KRT80: variants seen among roughly 807,000 people sequenced by gnomAD.
The protein encoded by KRT80 is keratin 80, also known as keratin, type II cytoskeletal 80.
KRT80 carries 36 observed loss-of-function variants against 51.5 expected under a neutral mutation model. The ratio of observed to expected loss-of-function variants is 0.70; its 90% CI spans 0.54 to 0.92. The LOEUF (loss-of-function observed/expected upper bound fraction) is 0.92, where lower values mean the gene tolerates loss of function less well. Among genes scored for constraint, KRT80 ranks in the 40% least tolerant of loss-of-function variants. The probability of loss-of-function intolerance (pLI) is 0.00; values close to 1 mark genes in which losing one functional copy is unlikely to be tolerated. For synonymous variants in KRT80, 235 were observed against 248.3 expected, an observed-to-expected ratio of 0.95 and a Z score of 0.50; for missense variants, 566 against 591.7, an observed-to-expected ratio of 0.96 and a Z score of 0.45.
At chr12:52,183,829 C>T (rs2120925473) in intron 2 of KRT80, among the ~76,000 whole-genome samples, 1 of 152,336 alleles carries the variant, frequency 6.6e-6, no homozygotes, top group African/African-American at 2.4e-5. Context: ...ACAAGCCCTG[C>T]CCTTTCAGGG....
In KRT80 at chr12:52,186,591, G is replaced by T. The variant is rs191832789; in HGVS notation, c.301-1004C>A. On this transcript the variant is annotated intron_variant, in intron 1 of 8. Transcript: ENST00000394815. ...CAAAATTAGCAAGTGGCAGAGCCAGGCCTGGAATCCAGGAACTTTGGGTTT... is the reference window on the plus strand; with the variant it reads ...CAAAATTAGCAAGTGGCAGAGCCAGTCCTGGAATCCAGGAACTTTGGGTTT... 2.3e-3 allele frequency among the ~76,000 whole-genome samples: 350 copies of T among 152,320 alleles called. 1 individual carries two copies. The highest frequency in any genetic ancestry group is 4.3e-3 in the Non-Finnish European group (290 of 68,028).
chr12:52,175,515 C>G (rs1047439950), intron 4 of KRT80, among the ~76,000 whole-genome samples: 2 of 152,048 alleles, frequency 1.3e-5, no homozygotes, highest in Non-Finnish European at 1.5e-5. Context: ...CAGGCGGAGG[C>G]TGGACTTCTG....
chr12:52,173,450 G>GT, intron 5 of KRT80, 150 bp downstream of exon 5: 2 of 438,118 alleles, frequency 4.6e-6, no homozygotes, highest in Non-Finnish European at 8.6e-6. Flanking sequence ...GTCTCCCCCC[G>GT]CCCGCCCCGT....
At chr12:52,171,581 A>G in intron 8 of KRT80, 59 bp from the exon 9 acceptor site, 3 of 1,612,784 alleles carry the variant, frequency 1.9e-6, no homozygotes, top group Non-Finnish European at 2.5e-6. Flanking sequence ...AGCCACTTAA[A>G]ATGATGCCTT....
intron 1 of KRT80, 147 bp from the exon 2 acceptor site, chr12:52,185,734 A>G: frequency 6.7e-7 from 1 of 1,483,096 alleles, no homozygotes. Context: ...CTCAGCAGAA[A>G]GCACCTCCAA....
chr12:52,172,325 C>T lies in KRT80; in HGVS notation c.1051G>A (p.Ala351Thr), dbSNP rs767029448. ...AKTKLAQLEA[A>T]LQQAKQDMAR... ...ATGTCCTGCTTGGCCTGCTGCAGGG[C>T]GGCCTCCAGCTGGGCCAGCTTGGTC... The change falls in exon 7 of 9, where the codon GCC (alanine) becomes ACC (threonine). Residue 351 changes from alanine (A) to threonine (T), a missense_variant. Ala to Thr is a moderately conservative substitution (Grantham distance 58, BLOSUM62 0). Transcript: ENST00000394815. The T allele has an allele frequency of 6.8e-6, 11 of 1,614,212 alleles. No homozygotes were observed. Among genetic ancestry groups the T allele is most frequent in the South Asian group, 5.5e-5 (5 of 91,080 alleles).
chr12:52,174,407 G>A (rs575330267), intron 4 of KRT80, among the ~76,000 whole-genome samples: 1 of 152,372 alleles, frequency 6.6e-6, no homozygotes, highest in African/African-American at 2.4e-5. Context: ...CCTGGGCGCA[G>A]CCTCCAGCAC....
chr12:52,180,603 C>T lies in KRT80; in HGVS notation c.576G>A (p.Leu192=), dbSNP rs1941301615. 5 of 1,508,288 alleles carry T rather than the reference C, an allele frequency of 3.3e-6. No homozygotes were observed. In the East Asian group the frequency reaches 9.3e-5, roughly 28 times the overall value. 93.4% of individuals were successfully genotyped at this position (1,508,288 alleles called of 1,614,324 possible). The change falls in exon 4 of 9, where the codon CTG becomes CTA. Residue 192 remains leucine (L), a synonymous_variant. Coordinates refer to ENST00000394815, the MANE Select transcript of KRT80 (RefSeq NM_182507.3). ...CAGTCCGATGAAGACACTCTGCATC[C>T]AGGTCCTGGGGTTGGCAGCAGTGGT... ...EFTFVQLKKD[L]DAECLHRTEL...
intron 4 of KRT80, among the ~76,000 whole-genome samples, chr12:52,174,485 C>A (rs748463168): frequency 1.3e-4 from 20 of 152,226 alleles, no homozygotes; most frequent in Non-Finnish European, 1.6e-4. Context: ...ATTGCCTGGA[C>A]GACCACAATA....
chr12:52,189,077 C>T (rs1027078139), intron 1 of KRT80, among the ~76,000 whole-genome samples: 11 of 152,152 alleles, frequency 7.2e-5, no homozygotes, highest in Admixed American at 7.2e-4. Context: ...GGGCCTCTAC[C>T]ACCTCCTGAG....
At chr12:52,187,843 G>A (rs1395727662) in intron 1 of KRT80, among the ~76,000 whole-genome samples, 1 of 152,172 alleles carries the variant, frequency 6.6e-6, no homozygotes, top group Non-Finnish European at 1.5e-5. Context: ...TACACTGAGG[G>A]TGGAGTGAGA....
At chr12:52,187,416 T>C (rs1356827383) in intron 1 of KRT80, among the ~76,000 whole-genome samples, 1 of 152,174 alleles carries the variant, frequency 6.6e-6, no homozygotes, top group Non-Finnish European at 1.5e-5. Context: ...GTGGCCCAGC[T>C]TCCCAGAGAG....
intron 4 of KRT80, among the ~76,000 whole-genome samples, chr12:52,177,215 T>C (rs1424235750): frequency 6.6e-6 from 1 of 152,184 alleles, no homozygotes; most frequent in Non-Finnish European, 1.5e-5. Flanking sequence ...TAAACAGTAG[T>C]TAAGGATTCT....
intron 1 of KRT80, among the ~76,000 whole-genome samples, chr12:52,187,267 T>C (rs1271699371): frequency 6.6e-6 from 1 of 152,250 alleles, no homozygotes; most frequent in African/African-American, 2.4e-5. Context: ...CCGGTGCTGC[T>C]GGCCCAGGCT....
intron 4 of KRT80, among the ~76,000 whole-genome samples, chr12:52,175,972 G>A (rs539825816): frequency 1.5e-4 from 23 of 152,220 alleles, no homozygotes; most frequent in East Asian, 3.9e-4. Flanking sequence ...TGGGTGTGGG[G>A]GGCCTCAGAG....
intron 4 of KRT80, among the ~76,000 whole-genome samples, chr12:52,178,155 A>G (rs897715877): frequency 1.3e-5 from 2 of 152,150 alleles, no homozygotes; most frequent in African/African-American, 4.8e-5. Context: ...GCTGCTTTCA[A>G]AAGTAATAAT....
intron 6 of KRT80, 21 bp downstream of exon 6, chr12:52,173,017 G>T: frequency 6.3e-7 from 1 of 1,592,836 alleles, no homozygotes; most frequent in Non-Finnish European, 8.6e-7. Context: ...CCGCCCCCAG[G>T]CGCGTCCCCC....
Position 52,191,772 on chromosome 12 carries a change from C to A in KRT80, c.131G>T (p.Arg44Leu), listed in dbSNP as rs376296985. Residue 44 changes from arginine to leucine, a missense_variant, in exon 1 of 9, where the codon CGC becomes CTC. Physicochemically the swap from Arg to Leu is moderately radical, Grantham distance 102 (BLOSUM62 -2). Transcript: ENST00000394815. ...CRAPGPGFSS[R>L]SLTGCWSAGT... ...AGCCGACCAGCAGCCTGTGAGGCTG[C>A]GGGAGCTGAAGCCCGGCCCGGGGGC... 1 of 1,612,358 alleles carries A rather than the reference C, an allele frequency of 6.2e-7. No homozygotes were observed. The highest frequency in any genetic ancestry group is 1.3e-5 in the African/African-American group (1 of 75,050).
intron 4 of KRT80, among the ~76,000 whole-genome samples, chr12:52,174,303 A>G (rs1941179453): frequency 6.6e-6 from 1 of 152,154 alleles, no homozygotes. Context: ...GTTGGGAGGG[A>G]AGCCAGGGAG....
Sources: gnomAD v4.1 joint callset for allele counts (sites outside exome capture counted in the v4.1 genomes callset) on GRCh38, gnomAD v4.1.1 for gene constraint, MANE v1.5 for transcripts, NCBI Gene and HGNC (gene_info 2026-07-23, HGNC 2026-07-21) for gene names.